PARD3B: variants seen among roughly 807,000 people sequenced by gnomAD.
The protein encoded by PARD3B is partitioning defective 3 homolog B.
In PARD3B, 103 loss-of-function variants were observed where a neutral mutation model predicts 130.2. The observed-to-expected ratio is 0.79, with a 90% confidence interval of 0.67 to 0.93. The LOEUF (loss-of-function observed/expected upper bound fraction) is 0.93, where lower values mean the gene tolerates loss of function less well. PARD3B is among the 40% of genes least tolerant of loss of function. PARD3B has a pLI of 0.00. For synonymous variants in PARD3B, 583 were observed against 553.2 expected (o/e 1.05, Z -0.76); for missense variants, 1,609 against 1,499.2 (o/e 1.07, Z -1.21).
chr2:205,073,424 G>A (rs1225377568), intron 4 of PARD3B, among the ~76,000 whole-genome samples: 2 of 152,010 alleles, frequency 1.3e-5, no homozygotes, highest in Non-Finnish European at 2.9e-5. Context: ...AGATAAAACT[G>A]AAATAAAATT....
rs576254930 is a variant in PARD3B, at chr2:204,662,822, A to G, written c.121-23359A>G. On this transcript the variant is annotated intron_variant, in intron 1 of 22. Coordinates refer to ENST00000406610, the MANE Select transcript of PARD3B (RefSeq NM_001302769.2). Reference sequence around the variant, plus strand: ...TGACCCGCCATCAGTCCAAATGGCAACACAGTAAATAAGGCCAATAACATG... The same window carrying G: ...TGACCCGCCATCAGTCCAAATGGCAGCACAGTAAATAAGGCCAATAACATG... 2.6e-5 allele frequency among the ~76,000 whole-genome samples: 4 copies of G among 152,190 alleles called. No individual in the cohort carries two copies. The South Asian group carries it at 8.3e-4, about 32-fold the overall frequency.
chr2:204,844,591 G>A (rs1575118413), intron 2 of PARD3B, among the ~76,000 whole-genome samples: 2 of 152,192 alleles, frequency 1.3e-5, no homozygotes, highest in African/African-American at 2.4e-5. Flanking sequence ...CCTGGATGGC[G>A]GGGGCTGGGT....
chr2:205,449,947 A>G (rs2011559), intron 20 of PARD3B, among the ~76,000 whole-genome samples: 15,127 of 152,292 alleles, frequency 0.099, 1,022 homozygotes, highest in Non-Finnish European at 0.16. Context: ...TGTTGTAAAA[A>G]TCATGAAATT....
At chr2:205,294,207 G>C (rs78681437) in intron 16 of PARD3B, among the ~76,000 whole-genome samples, 335 of 152,114 alleles carry the variant, frequency 2.2e-3, no homozygotes, top group African/African-American at 7.9e-3. Flanking sequence ...CAGCATGCTG[G>C]GAATGGTGTT....
intron 10 of PARD3B, among the ~76,000 whole-genome samples, chr2:205,145,469 C>T (rs773222568): frequency 1.3e-5 from 2 of 152,202 alleles, no homozygotes; most frequent in Non-Finnish European, 2.9e-5. Flanking sequence ...TGAGGCAGTA[C>T]TCCACTTTTG....
In PARD3B at chr2:205,185,861, C is replaced by A. The variant is rs369281184; in HGVS notation, c.2022C>A (p.His674Gln). 1 of 1,609,908 alleles carries A rather than the reference C, an allele frequency of 6.2e-7. No homozygotes were observed. Among genetic ancestry groups the A allele is most frequent in the Admixed American group, 1.7e-5 (1 of 60,006 alleles). ...ALGLGLEDYSHSSGVDSAVYF... is the reference protein window; with the variant it reads ...ALGLGLEDYSQSSGVDSAVYF... ...GATTGGGCCTCGAAGATTACAGCCA[C>A]AGGTATTGATAAAATGATGTATCGT... Residue 674 changes from histidine to glutamine, a missense_variant and splice_region_variant, in exon 14 of 23, where the codon CAC (histidine) becomes CAA (glutamine). His to Gln is a conservative substitution (Grantham distance 24). Coordinates refer to ENST00000406610, the MANE Select transcript of PARD3B (RefSeq NM_001302769.2).
chr2:204,708,132 A>G (rs143655621), intron 2 of PARD3B, among the ~76,000 whole-genome samples: 1 of 152,240 alleles, frequency 6.6e-6, no homozygotes, highest in African/African-American at 2.4e-5. Context: ...TATAAATAAA[A>G]TATTCTAATT....
chr2:204,620,715 T>C (rs1353153575), intron 1 of PARD3B, among the ~76,000 whole-genome samples: 1 of 152,190 alleles, frequency 6.6e-6, no homozygotes, highest in Non-Finnish European at 1.5e-5. Context: ...AGTCCTGTAC[T>C]GTAGGTTAGC....
chr2:205,179,320 T>C (rs1417637652), intron 13 of PARD3B, among the ~76,000 whole-genome samples: 2 of 152,332 alleles, frequency 1.3e-5, no homozygotes, highest in Middle Eastern at 3.4e-3. Context: ...TTTAGAAATG[T>C]AGTGTAGCCT....
chr2:205,054,351 G>A (rs1310760773), intron 4 of PARD3B, among the ~76,000 whole-genome samples: 1 of 135,048 alleles, frequency 7.4e-6, no homozygotes, highest in Non-Finnish European at 1.6e-5. Flanking sequence ...CTAAAAGAAG[G>A]ATCACTATTT....
At chr2:205,368,334 T>A (rs1038658026) in intron 18 of PARD3B, among the ~76,000 whole-genome samples, 1 of 152,172 alleles carries the variant, frequency 6.6e-6, no homozygotes, top group African/African-American at 2.4e-5. Flanking sequence ...TTATCAGATT[T>A]AAAAAGTTGT....
chr2:204,973,727 C>G (rs894344217), intron 3 of PARD3B, among the ~76,000 whole-genome samples: 2 of 152,134 alleles, frequency 1.3e-5, no homozygotes, highest in Non-Finnish European at 2.9e-5. Context: ...CCAATATATA[C>G]ACATTTGGTT....
chr2:205,419,331 T>TC (rs11424712), intron 19 of PARD3B, among the ~76,000 whole-genome samples: 146,419 of 152,140 alleles, frequency 0.96, 70,633 homozygotes, highest in East Asian at 1. Flanking sequence ...CTTCTTGCCT[T>TC]CGCCATGATG....
chr2:205,526,712 G>A (rs2051354267), intron 21 of PARD3B, among the ~76,000 whole-genome samples: 1 of 152,106 alleles, frequency 6.6e-6, no homozygotes, highest in Admixed American at 6.5e-5. Context: ...AAAATTAAAT[G>A]TACAAGATTA....
At chr2:205,546,198 C>T (rs568920387) in intron 21 of PARD3B, among the ~76,000 whole-genome samples, 2 of 152,288 alleles carry the variant, frequency 1.3e-5, no homozygotes, top group South Asian at 4.2e-4. Flanking sequence ...TCACCACGTG[C>T]AAGGCGCACC....
rs13392038 is a variant in PARD3B, at chr2:204,706,650, G to A, written c.222+20368G>A. The stretch of plus-strand genomic sequence containing the variant: ...GAGAAAAGTCTAGGGTGATGATCTC[G>A]GTCACATTTTAGTGGAGGTAAAAGA... On this transcript the variant is annotated intron_variant, in intron 2 of 22. Coordinates refer to ENST00000406610, the MANE Select transcript of PARD3B (RefSeq NM_001302769.2). 1.9e-3 allele frequency among the ~76,000 whole-genome samples: 294 copies of A among 152,018 alleles called. 2 individuals carry two copies. Among genetic ancestry groups the A allele is most frequent in the African/African-American group, 6.8e-3 (283 of 41,468 alleles).
intron 2 of PARD3B, among the ~76,000 whole-genome samples, chr2:204,852,383 T>C (rs2125608571): frequency 6.6e-6 from 1 of 152,256 alleles, no homozygotes; most frequent in South Asian, 2.1e-4. Flanking sequence ...CTTAGGGTAA[T>C]AAATAAAGTT....
intron 22 of PARD3B, among the ~76,000 whole-genome samples, chr2:205,596,239 T>C (rs2054566666): frequency 6.6e-6 from 1 of 152,182 alleles, no homozygotes; most frequent in African/African-American, 2.4e-5. Flanking sequence ...TCACCACAAG[T>C]CATCAATACC....
At chr2:205,557,762 CAG>C (rs940434335) in intron 22 of PARD3B, among the ~76,000 whole-genome samples, 17 of 152,124 alleles carry the variant, frequency 1.1e-4, no homozygotes, top group African/African-American at 4.1e-4. Flanking sequence ...TATTTTATCT[CAG>C]GGGAAGAAAT....
Sources: gnomAD v4.1 joint callset for allele counts (sites outside exome capture counted in the v4.1 genomes callset) on GRCh38, gnomAD v4.1.1 for gene constraint, MANE v1.5 for transcripts, NCBI Gene and HGNC (gene_info 2026-07-23, HGNC 2026-07-21) for gene names.